Variants in ANTXR1 observed in about 807,000 individuals in gnomAD.
The protein encoded by ANTXR1 is anthrax toxin receptor 1.
A neutral mutation model predicts 78.1 loss-of-function variants in ANTXR1; 19 were observed. The observed-to-expected ratio is 0.24, with a 90% CI of 0.17 to 0.36. The LOEUF (loss-of-function observed/expected upper bound fraction) is 0.36. ANTXR1 is among the 10% of genes least tolerant of loss of function. The pLI is 1.00. For missense variants in ANTXR1, 518 were observed against 718.6 expected, an observed-to-expected ratio of 0.72 and a Z score of 3.19; for synonymous variants, 273 against 260.5, an observed-to-expected ratio of 1.05 and a Z score of -0.46.
chr2:69,045,258 G>A (rs531048146), intron 3 of ANTXR1, among the ~76,000 whole-genome samples: 3 of 152,174 alleles, frequency 2.0e-5, no homozygotes, highest in African/African-American at 7.2e-5. Context: ...AGAAAGGGAG[G>A]GCTTATGGTA....
chr2:69,129,788 C>A (rs1384425473), intron 12 of ANTXR1, among the ~76,000 whole-genome samples: 1 of 151,166 alleles, frequency 6.6e-6, no homozygotes, highest in Non-Finnish European at 1.5e-5. Flanking sequence ...TAATAAAGAA[C>A]AAGATTGTAT....
chr2:69,219,349 A>G (rs1473547209), intron 17 of ANTXR1, among the ~76,000 whole-genome samples: 1 of 145,914 alleles, frequency 6.9e-6, no homozygotes, highest in Non-Finnish European at 1.5e-5. Context: ...AAGGAATTTT[A>G]GCCTAGGTAA....
At chr2:69,144,435 T>C (rs933909357) in intron 12 of ANTXR1, among the ~76,000 whole-genome samples, 3 of 152,226 alleles carry the variant, frequency 2.0e-5, no homozygotes. Flanking sequence ...TAAAGGTCTC[T>C]TTCCCTTGAA....
chr2:69,031,675 T>C (rs926953938), intron 1 of ANTXR1, among the ~76,000 whole-genome samples: 1 of 152,206 alleles, frequency 6.6e-6, no homozygotes, highest in African/African-American at 2.4e-5. Context: ...CATGGATTTC[T>C]TCACCAAATG....
intron 13 of ANTXR1, among the ~76,000 whole-genome samples, chr2:69,166,237 G>A (rs1041673292): frequency 1.3e-5 from 2 of 152,192 alleles, no homozygotes; most frequent in South Asian, 2.1e-4. Context: ...CTTTATCTAT[G>A]CAATGATCGT....
At chr2:69,219,170 G>A (rs1423596608) in intron 17 of ANTXR1, among the ~76,000 whole-genome samples, 1 of 152,128 alleles carries the variant, frequency 6.6e-6, no homozygotes, top group Non-Finnish European at 1.5e-5. Context: ...CAGTCCCCAG[G>A]TCCCTGGGTT....
At chr2:69,077,580 G>A in intron 8 of ANTXR1, 92 bp downstream of exon 8, 5 of 1,340,788 alleles carry the variant, frequency 3.7e-6, no homozygotes, top group Non-Finnish European at 5.3e-6. Context: ...TCAAAGCCTG[G>A]TGTTTTTCTG....
intron 17 of ANTXR1, among the ~76,000 whole-genome samples, chr2:69,206,415 T>C (rs1371740470): frequency 2.0e-5 from 3 of 152,206 alleles, no homozygotes; most frequent in East Asian, 1.9e-4. Flanking sequence ...TCCTTAGTGG[T>C]ATAACTAGTA....
chr2:69,167,409 C>T (rs1321625600), intron 13 of ANTXR1, among the ~76,000 whole-genome samples: 1 of 152,200 alleles, frequency 6.6e-6, no homozygotes, highest in African/African-American at 2.4e-5. Flanking sequence ...GACTCTGGCC[C>T]TGAGGGGAGT....
rs1670157923 is a variant in ANTXR1 at position 69,059,219 on chromosome 2, G to A, written c.297-11428G>A. On this transcript the variant is annotated intron_variant, in intron 3 of 17. Coordinates refer to ENST00000303714, the MANE Select transcript of ANTXR1 (RefSeq NM_032208.3). ...CAATTTTGAAAGAAGTTCTATGGTG[G>A]GTAAAATGCTATCAAAGAGCATCAC... Among the ~76,000 whole-genome samples, 4 of 152,162 alleles carry A rather than the reference G, an allele frequency of 2.6e-5. No homozygotes were observed. In the South Asian group the frequency reaches 6.2e-4, roughly 24 times the overall value.
intron 12 of ANTXR1, among the ~76,000 whole-genome samples, chr2:69,130,820 T>C (rs1672717808): frequency 6.6e-6 from 1 of 152,184 alleles, no homozygotes; most frequent in South Asian, 2.1e-4. Context: ...TTTGAGTCTC[T>C]ACGATAAGAC....
chr2:69,110,476 C>A (rs182078081), intron 10 of ANTXR1, among the ~76,000 whole-genome samples: 1 of 152,286 alleles, frequency 6.6e-6, no homozygotes, highest in East Asian at 1.9e-4. Context: ...TACTTCACCC[C>A]TAAATAATTA....
At chr2:69,032,236 C>A (rs1671549100) in intron 1 of ANTXR1, among the ~76,000 whole-genome samples, 1 of 152,124 alleles carries the variant, frequency 6.6e-6, no homozygotes, top group Non-Finnish European at 1.5e-5. Flanking sequence ...GAGACCATAA[C>A]CTGTAAATAC....
At chr2:69,148,051 C>G (rs1477374541) in intron 12 of ANTXR1, among the ~76,000 whole-genome samples, 2 of 152,194 alleles carry the variant, frequency 1.3e-5, no homozygotes. Context: ...GTCTTCTATT[C>G]TGAATCTTTC....
Position 69,032,984 on chromosome 2 carries a change from T to C in ANTXR1, c.153-7060T>C, listed in dbSNP as rs1397258836. The stretch of plus-strand genomic sequence containing the variant: ...CTGGTATTTCTATTCTATTCTATTT[T>C]TTTAATGTTAGCAATGTCCCATGAC... On this transcript the variant is annotated intron_variant, in intron 1 of 17. Coordinates refer to ENST00000303714, the MANE Select transcript of ANTXR1 (RefSeq NM_032208.3). Among the ~76,000 whole-genome samples, 4 of 152,244 alleles carry C rather than the reference T, an allele frequency of 2.6e-5. No homozygotes were observed. In the South Asian group the frequency reaches 8.3e-4, roughly 32 times the overall value.
At chr2:69,063,457 A>G (rs2104173446) in intron 3 of ANTXR1, among the ~76,000 whole-genome samples, 1 of 152,268 alleles carries the variant, frequency 6.6e-6, no homozygotes, top group Middle Eastern at 3.4e-3. Flanking sequence ...AGACATTTTC[A>G]GAAGGGGGAA....
intron 10 of ANTXR1, among the ~76,000 whole-genome samples, chr2:69,110,224 T>A (rs1671934827): frequency 6.6e-6 from 1 of 152,202 alleles, no homozygotes; most frequent in South Asian, 2.1e-4. Context: ...GAAGGAAATT[T>A]TTTAAATGAG....
At chr2:69,094,157 T>C (rs137939681) in intron 9 of ANTXR1, among the ~76,000 whole-genome samples, 1 of 152,344 alleles carries the variant, frequency 6.6e-6, no homozygotes, top group East Asian at 1.9e-4. Flanking sequence ...GAGCGAGGCG[T>C]AGCCCCTCTG....
chr2:69,046,154 G>A (rs58276473), intron 3 of ANTXR1, among the ~76,000 whole-genome samples: 35,337 of 151,972 alleles, frequency 0.23, 6,298 homozygotes, highest in East Asian at 0.63. Flanking sequence ...CACCCCTCTC[G>A]CCTGTTCTTC....
Sources: gnomAD v4.1 joint callset for allele counts (sites outside exome capture counted in the v4.1 genomes callset) on GRCh38, gnomAD v4.1.1 for gene constraint, MANE v1.5 for transcripts, NCBI Gene and HGNC (gene_info 2026-07-23, HGNC 2026-07-21) for gene names.